The following CDCA2 variants were observed in gnomAD, a reference collection of about 807,000 sequenced individuals.
CDCA2 encodes the protein cell division cycle associated 2.
Under a neutral mutation model 67.0 loss-of-function variants are expected in CDCA2, and 44 were observed. The ratio of observed to expected loss-of-function variants is 0.66; its 90% CI spans 0.52 to 0.84. The LOEUF (loss-of-function observed/expected upper bound fraction) is 0.84, where lower values mean the gene tolerates loss of function less well. Among genes scored for constraint, CDCA2 ranks in the 40% least tolerant of loss-of-function variants. The pLI is 0.00. For synonymous variants in CDCA2, 447 were observed against 418.7 expected, an observed-to-expected ratio of 1.07 and a Z score of -0.82; for missense variants, 1,253 against 1,203.2, an observed-to-expected ratio of 1.04 and a Z score of -0.61.
At chr8:25,500,438 T>C (rs2117549030) in intron 13 of CDCA2, among the ~76,000 whole-genome samples, 1 of 152,294 alleles carries the variant, frequency 6.6e-6, no homozygotes, top group East Asian at 1.9e-4. Context: ...GATTTAATCA[T>C]TCCACAGTGC....
intron 13 of CDCA2, among the ~76,000 whole-genome samples, chr8:25,499,765 G>A (rs575071274): frequency 5.3e-5 from 8 of 152,286 alleles, no homozygotes; most frequent in African/African-American, 1.9e-4. Flanking sequence ...AATTGCTTTA[G>A]GGACAATCCC....
chr8:25,477,049 T>C (rs1016536202), intron 7 of CDCA2, among the ~76,000 whole-genome samples: 5 of 152,218 alleles, frequency 3.3e-5, no homozygotes, highest in Non-Finnish European at 7.3e-5. Context: ...TACTCTACTT[T>C]AGGCAAAACT....
chr8:25,491,566 A>G (rs1431617720), intron 13 of CDCA2, among the ~76,000 whole-genome samples: 7 of 152,230 alleles, frequency 4.6e-5, no homozygotes. Flanking sequence ...ACACCCAGCC[A>G]GTCTCAATTA....
intron 8 of CDCA2, among the ~76,000 whole-genome samples, chr8:25,481,620 G>A (rs1469999824): frequency 6.6e-6 from 1 of 152,062 alleles, no homozygotes; most frequent in East Asian, 1.9e-4. Context: ...AACCCAGGGG[G>A]CAGAGCTTTC....
chr8:25,472,563 T>G (rs2117495515), intron 7 of CDCA2, among the ~76,000 whole-genome samples: 1 of 152,334 alleles, frequency 6.6e-6, no homozygotes, highest in South Asian at 2.1e-4. Flanking sequence ...TGCTGTTTCT[T>G]AATCCACACA....
intron 8 of CDCA2, among the ~76,000 whole-genome samples, chr8:25,481,749 T>G (rs1352803736): frequency 6.6e-6 from 1 of 152,108 alleles, no homozygotes; most frequent in African/African-American, 2.4e-5. Flanking sequence ...ATGGCAAAAA[T>G]TAGGAGGCAT....
intron 1 of CDCA2, among the ~76,000 whole-genome samples, 181 bp downstream of exon 1, chr8:25,459,654 G>A (rs1377868014): frequency 1.3e-5 from 2 of 152,222 alleles, no homozygotes; most frequent in Non-Finnish European, 2.9e-5. Flanking sequence ...CTTGAGAGGG[G>A]TACCCTTATG....
chr8:25,505,079 A>G (rs150455076), intron 14 of CDCA2, among the ~76,000 whole-genome samples: 38 of 152,282 alleles, frequency 2.5e-4, no homozygotes, highest in Admixed American at 2.3e-3. Flanking sequence ...GTTTAAAGCA[A>G]TTCAGCTCCT....
At chr8:25,502,434 G>A (rs1386580315) in intron 13 of CDCA2, among the ~76,000 whole-genome samples, 2 of 151,828 alleles carry the variant, frequency 1.3e-5, no homozygotes, top group Non-Finnish European at 2.9e-5. Context: ...ATTATTAAGC[G>A]ACTTTTAATT....
At chr8:25,504,934 C>T (rs546777318) in intron 14 of CDCA2, among the ~76,000 whole-genome samples, 83 of 152,254 alleles carry the variant, frequency 5.5e-4, no homozygotes, top group Non-Finnish European at 9.0e-4. Context: ...ATCTCTAGTT[C>T]TTAACAGTTT....
In CDCA2 at chr8:25,507,866, T is replaced by G; in HGVS notation, c.*128T>G. ...TTCCTAATAAATAAACTCATTTGAG[T>G]TGAACCTACTTTTATGTAGAAATAA... On this transcript the variant is annotated 3_prime_UTR_variant, in exon 15 of 15. Transcript: ENST00000330560. 4 of 843,658 alleles carry G rather than the reference T, an allele frequency of 4.7e-6. No individual in the cohort carries two copies. The highest frequency in any genetic ancestry group is 6.7e-6 in the Non-Finnish European group (4 of 594,334). The allele number at this position is 843,658 out of a possible 1,614,324, so 52.3% of individuals were successfully genotyped here. A position where few individuals can be genotyped will look rare whatever the true frequency, so the allele number is the denominator to read the frequency against.
At chr8:25,487,937 G>A (rs113040140) in intron 12 of CDCA2, among the ~76,000 whole-genome samples, 4 of 152,236 alleles carry the variant, frequency 2.6e-5, no homozygotes, top group African/African-American at 9.6e-5. Flanking sequence ...GAGAAGATCA[G>A]CATGTAATTA....
In CDCA2 at chr8:25,485,824, T is replaced by C. The variant is rs754627352; in HGVS notation, c.1431T>C (p.Ser477=). The stretch of plus-strand genomic sequence containing the variant: ...GTTCTCCTAATAAATCATCAATCTC[T>C]GAGACCCTTTCAGGTAGTAACTTGT... The part of the protein sequence containing the change: ...VLSSPNKSSI[S]ETLSGTDTFS... The change falls in exon 11 of 15, where the codon TCT becomes TCC. Residue 477 remains serine (S), a synonymous_variant. Coordinates refer to ENST00000330560, the MANE Select transcript of CDCA2 (RefSeq NM_152562.4). The C allele has an allele frequency of 1.9e-6, 3 of 1,591,608 alleles. No homozygotes were observed. The highest frequency in any genetic ancestry group is 1.7e-5 in the Admixed American group (1 of 59,082).
chr8:25,491,852 G>A (rs1166840813), intron 13 of CDCA2, among the ~76,000 whole-genome samples: 1 of 151,906 alleles, frequency 6.6e-6, no homozygotes, highest in East Asian at 1.9e-4. Context: ...CTGGAGTGCA[G>A]TGATGCATGA....
intron 4 of CDCA2, among the ~76,000 whole-genome samples, chr8:25,462,589 A>G (rs1187742695): frequency 2.6e-5 from 4 of 151,746 alleles, no homozygotes; most frequent in East Asian, 3.9e-4. Flanking sequence ...TCATGCCACT[A>G]TGTTCCAGTC....
chr8:25,491,149 T>C (rs1208567029), intron 13 of CDCA2, among the ~76,000 whole-genome samples: 1 of 151,596 alleles, frequency 6.6e-6, no homozygotes, highest in Non-Finnish European at 1.5e-5. Context: ...TTAAGGAAAG[T>C]CTCCCAGAAG....
In CDCA2 at chr8:25,507,055, T is replaced by C. The variant is rs768770840; in HGVS notation, c.2389T>C (p.Leu797=). Residue 797 remains leucine (L), a synonymous_variant, in exon 15 of 15, where the codon TTA becomes CTA. Transcript: ENST00000330560. ...AGACTGTCATTGTTTAGGAGATGTC[T>C]TAATTGAAAATACGAAAGAATCTAA... ...QKDCHCLGDV[L]IENTKESKSQ... The C allele has an allele frequency of 6.2e-7, 1 of 1,614,002 alleles. No homozygotes were observed. Among genetic ancestry groups the C allele is most frequent in the South Asian group, 1.1e-5 (1 of 91,040 alleles).
chr8:25,496,938 A>G (rs947491634), intron 13 of CDCA2, among the ~76,000 whole-genome samples: 1 of 152,202 alleles, frequency 6.6e-6, no homozygotes, highest in South Asian at 2.1e-4. Context: ...GTGGTCTTTG[A>G]TATGTCCTAA....
At chr8:25,467,818 T>G (rs1388061068) in intron 5 of CDCA2, among the ~76,000 whole-genome samples, 1 of 152,126 alleles carries the variant, frequency 6.6e-6, no homozygotes, top group Non-Finnish European at 1.5e-5. Context: ...TAGATTTTAC[T>G]AAAATTACGA....
Sources: gnomAD v4.1 joint callset for allele counts (sites outside exome capture counted in the v4.1 genomes callset) on GRCh38, gnomAD v4.1.1 for gene constraint, MANE v1.5 for transcripts, NCBI Gene and HGNC (gene_info 2026-07-23, HGNC 2026-07-21) for gene names.